Variants in FOXO1 observed in about 807,000 individuals in gnomAD.
FOXO1 encodes the protein forkhead box protein O1.
Under a neutral mutation model 44.1 loss-of-function variants are expected in FOXO1, and 6 were observed. That is an observed-to-expected ratio of 0.14 (90% CI 0.07 to 0.27). The LOEUF is 0.27. FOXO1 is among the 10% of genes least tolerant of loss of function. The probability of loss-of-function intolerance (pLI) is 1.00; values close to 1 mark genes in which losing one functional copy is unlikely to be tolerated. For synonymous variants in FOXO1, 380 were observed against 362.7 expected, an observed-to-expected ratio of 1.05 and a Z score of -0.54; for missense variants, 737 against 888.8, an observed-to-expected ratio of 0.83 and a Z score of 2.17.
chr13:40,604,691 A>T (rs2137883521), intron 1 of FOXO1, among the ~76,000 whole-genome samples: 1 of 152,276 alleles, frequency 6.6e-6, no homozygotes, highest in South Asian at 2.1e-4. Context: ...TCTAAACCAG[A>T]CAACTCTATA....
chr13:40,633,895 C>T (rs1877056768), intron 1 of FOXO1, among the ~76,000 whole-genome samples: 1 of 152,212 alleles, frequency 6.6e-6, no homozygotes, highest in African/African-American at 2.4e-5. Flanking sequence ...TATAGAAACT[C>T]AACTTTCCTC....
intron 1 of FOXO1, among the ~76,000 whole-genome samples, chr13:40,602,815 G>C (rs191555418): frequency 5.3e-5 from 8 of 152,260 alleles, no homozygotes; most frequent in Admixed American, 4.6e-4. Context: ...ATCCTTCTTA[G>C]TTGACACATG....
intron 1 of FOXO1, among the ~76,000 whole-genome samples, chr13:40,597,085 C>T (rs1875607723): frequency 6.6e-6 from 1 of 152,214 alleles, no homozygotes; most frequent in African/African-American, 2.4e-5. Flanking sequence ...TGCTCTTTTG[C>T]TGTCAGTTTA....
At chr13:40,620,075 T>C in intron 1 of FOXO1, 1 of 968,506 alleles carries the variant, frequency 1.0e-6, no homozygotes, top group Admixed American at 1.9e-5. Context: ...AGGAGAGGTA[T>C]AACTCAAGTC....
Position 40,556,128 on chromosome 13 carries a change from G to A in FOXO1, c.*2921C>T, listed in dbSNP as rs1873741231. 1 of 152,216 alleles carries A rather than the reference G, an allele frequency of 6.6e-6. No individual in the cohort carries two copies. Among genetic ancestry groups the A allele is most frequent in the Non-Finnish European group, 1.5e-5 (1 of 68,032 alleles). 9.4% of individuals were successfully genotyped at this position (152,216 alleles called of 1,614,324 possible). A position where few individuals can be genotyped will look rare whatever the true frequency, so the allele number is the denominator to read the frequency against. On this transcript the variant is annotated 3_prime_UTR_variant, in exon 3 of 3. Coordinates refer to ENST00000379561, the MANE Select transcript of FOXO1 (RefSeq NM_002015.4). ...AGTTATAAATTAAGAACTCTTAGGA[G>A]CTTGAATGTAAGAATTTTAAGTTGG...
intron 1 of FOXO1, among the ~76,000 whole-genome samples, chr13:40,587,835 A>G (rs1875227580): frequency 6.6e-6 from 1 of 152,242 alleles, no homozygotes; most frequent in Admixed American, 6.5e-5. Flanking sequence ...TGTTCACAGT[A>G]GCCTCTCCCC....
chr13:40,654,472 G>A (rs1018368006), intron 1 of FOXO1, among the ~76,000 whole-genome samples: 1 of 146,694 alleles, frequency 6.8e-6, no homozygotes, highest in Admixed American at 6.8e-5. Flanking sequence ...CTGCACTCCA[G>A]CCTGGGCGAC....
chr13:40,624,921 A>G (rs578255129), intron 1 of FOXO1, among the ~76,000 whole-genome samples: 1 of 152,362 alleles, frequency 6.6e-6, no homozygotes, highest in South Asian at 2.1e-4. Context: ...CAATATTAAA[A>G]TCTGTTTTCT....
At chr13:40,606,361 G>A (rs564873109) in intron 1 of FOXO1, among the ~76,000 whole-genome samples, 49 of 152,208 alleles carry the variant, frequency 3.2e-4, no homozygotes, top group African/African-American at 1.0e-3. Context: ...CCAGGCTGGA[G>A]TGCAGTGGCG....
Position 40,666,636 on chromosome 13 carries a change from G to T in FOXO1, c.-424C>A, listed in dbSNP as rs927911759. On this transcript the variant is annotated 5_prime_UTR_variant, in exon 1 of 3. Coordinates refer to ENST00000379561, the MANE Select transcript of FOXO1 (RefSeq NM_002015.4). ...GCGACTACCAGGCCGCCCGACTTACGGGATCTGCCGCCGCCCCCCGCCCGC... is the reference window on the plus strand; with the variant it reads ...GCGACTACCAGGCCGCCCGACTTACTGGATCTGCCGCCGCCCCCCGCCCGC... The T allele has an allele frequency of 1.2e-5, 2 of 173,386 alleles. No homozygotes were observed. 10.7% of individuals were successfully genotyped at this position (173,386 alleles called of 1,614,324 possible).
chr13:40,597,960 G>A (rs1407667275), intron 1 of FOXO1, among the ~76,000 whole-genome samples: 4 of 152,168 alleles, frequency 2.6e-5, no homozygotes, highest in Non-Finnish European at 4.4e-5. Flanking sequence ...GGTGGCGGGC[G>A]GTGCTCGGGC....
intron 1 of FOXO1, among the ~76,000 whole-genome samples, chr13:40,570,309 CA>C (rs986449162): frequency 4.8e-4 from 67 of 138,738 alleles, no homozygotes; most frequent in African/African-American, 8.3e-4. Flanking sequence ...ACTCTGTCTC[CA>C]AAAAAAAAAA....
chr13:40,660,987 C>CAAA (rs869102661), intron 1 of FOXO1, among the ~76,000 whole-genome samples: 5 of 140,668 alleles, frequency 3.6e-5, no homozygotes, highest in Non-Finnish European at 6.1e-5. Context: ...ACAACAACAA[C>CAAA]AAAAATGAGA....
At chr13:40,590,234 G>T (rs1268717489) in intron 1 of FOXO1, among the ~76,000 whole-genome samples, 1 of 152,144 alleles carries the variant, frequency 6.6e-6, no homozygotes, top group Non-Finnish European at 1.5e-5. Context: ...TATTCTCCAA[G>T]AACAAGGAAT....
At chr13:40,612,624 T>C (rs778702550) in intron 1 of FOXO1, among the ~76,000 whole-genome samples, 3 of 152,240 alleles carry the variant, frequency 2.0e-5, no homozygotes, top group Non-Finnish European at 2.9e-5. Flanking sequence ...GTCAATTCCA[T>C]GTACAGTAGT....
intron 1 of FOXO1, among the ~76,000 whole-genome samples, chr13:40,573,722 CA>C (rs1380250817): frequency 6.6e-6 from 1 of 151,952 alleles, no homozygotes; most frequent in African/African-American, 2.4e-5. Context: ...ACAAACAAAA[CA>C]AAAAAACCTC....
intron 1 of FOXO1, among the ~76,000 whole-genome samples, chr13:40,654,322 TA>T (rs11344939): frequency 0.34 from 15,844 of 46,276 alleles, 2,948 homozygotes; most frequent in Non-Finnish European, 0.46. Flanking sequence ...CTAAAAATAC[TA>T]AAAAAAAAAA....
intron 1 of FOXO1, among the ~76,000 whole-genome samples, chr13:40,643,167 C>T (rs1483163759): frequency 6.6e-6 from 1 of 151,840 alleles, no homozygotes; most frequent in Non-Finnish European, 1.5e-5. Flanking sequence ...CATGGTGAAA[C>T]CCCGTCTCTA....
At chr13:40,642,313 T>G (rs562561903) in intron 1 of FOXO1, among the ~76,000 whole-genome samples, 1 of 152,176 alleles carries the variant, frequency 6.6e-6, no homozygotes, top group Non-Finnish European at 1.5e-5. Flanking sequence ...AATCTAGACA[T>G]ACAGTCAGCG....
Sources: gnomAD v4.1 joint callset for allele counts (sites outside exome capture counted in the v4.1 genomes callset) on GRCh38, gnomAD v4.1.1 for gene constraint, MANE v1.5 for transcripts, NCBI Gene and HGNC (gene_info 2026-07-23, HGNC 2026-07-21) for gene names.